The following SFXN5 variants were observed in gnomAD, a reference collection of about 807,000 sequenced individuals.
SFXN5 encodes the protein sideroflexin 5.
In SFXN5, 43 loss-of-function variants were observed where a neutral mutation model predicts 50.2. That is an observed-to-expected ratio of 0.86 (90% CI 0.67 to 1.11). The LOEUF (loss-of-function observed/expected upper bound fraction) is 1.11. Among genes scored for constraint, SFXN5 ranks in the 50% least tolerant of loss-of-function variants. The pLI is 0.00. For synonymous variants in SFXN5, 203 were observed against 185.8 expected, an observed-to-expected ratio of 1.09 and a Z score of -0.75; for missense variants, 463 against 454.1, an observed-to-expected ratio of 1.02 and a Z score of -0.18.
intron 9 of SFXN5, among the ~76,000 whole-genome samples, chr2:72,988,965 AC>A (rs1322334135): frequency 6.6e-6 from 1 of 151,736 alleles, no homozygotes; most frequent in East Asian, 1.9e-4. Flanking sequence ...CAGACACCCC[AC>A]CCCAGCCCCT....
At chr2:72,986,246 T>C (rs762924854) in intron 10 of SFXN5, among the ~76,000 whole-genome samples, 1 of 152,244 alleles carries the variant, frequency 6.6e-6, no homozygotes, top group Non-Finnish European at 1.5e-5. Context: ...TGGCTGGTTC[T>C]CGGAATTCAT....
Position 73,058,614 on chromosome 2 carries a change from A to C in SFXN5, c.103-18T>G. 6.2e-7 allele frequency: 1 copy of C among 1,612,330 alleles called. No individual in the cohort carries two copies. Among genetic ancestry groups the C allele is most frequent in the Non-Finnish European group, 8.5e-7 (1 of 1,178,416 alleles). On this transcript the variant is annotated intron_variant, in intron 1 of 13. Coordinates refer to ENST00000272433, the MANE Select transcript of SFXN5 (RefSeq NM_144579.3). ...AAGGACGTCTGAAGAAGAGGATGAG[A>C]GAGAAGAGTGAATGGATCAGCTGCT...
In SFXN5 at chr2:73,020,184, T is replaced by G. The variant is rs1360038428; in HGVS notation, c.357+55A>C. The G allele has an allele frequency of 3.3e-6, 5 of 1,530,676 alleles. No individual in the cohort carries two copies. In the African/African-American group the frequency reaches 6.9e-5, roughly 21 times the overall value. The allele number at this position is 1,530,676 out of a possible 1,614,324, so 94.8% of individuals were successfully genotyped here. On this transcript the variant is annotated intron_variant, in intron 6 of 13. Coordinates refer to ENST00000272433, the MANE Select transcript of SFXN5 (RefSeq NM_144579.3). Reference sequence around the variant, plus strand: ...AATACCCGTGAGCAATAACATAAAGTTAGACATTTAAAATAATTTTTTAGA... The same window carrying G: ...AATACCCGTGAGCAATAACATAAAGGTAGACATTTAAAATAATTTTTTAGA...
chr2:72,989,116 T>C (rs1672265422), intron 9 of SFXN5, among the ~76,000 whole-genome samples: 1 of 152,202 alleles, frequency 6.6e-6, no homozygotes. Flanking sequence ...CACAGCAGCC[T>C]TGGCCTCCAT....
chr2:73,003,379 A>G (rs777451579), intron 6 of SFXN5, among the ~76,000 whole-genome samples: 1 of 152,234 alleles, frequency 6.6e-6, no homozygotes, highest in Non-Finnish European at 1.5e-5. Flanking sequence ...ATCGTAAGAT[A>G]CAGCCCAATA....
At chr2:73,047,297 TAA>T (rs1243579050) in intron 2 of SFXN5, among the ~76,000 whole-genome samples, 1 of 64,694 alleles carries the variant, frequency 1.5e-5, no homozygotes, top group Non-Finnish European at 2.6e-5. Context: ...TATATATATA[TAA>T]AATATATATG....
intron 3 of SFXN5, among the ~76,000 whole-genome samples, chr2:73,031,195 A>C (rs1678254344): frequency 6.6e-6 from 1 of 152,240 alleles, no homozygotes; most frequent in East Asian, 1.9e-4. Context: ...CCTCCTCTGC[A>C]ATGAGGCTTG....
At chr2:72,996,974 A>T (rs1673328690) in intron 9 of SFXN5, 1 of 152,236 alleles carries the variant, frequency 6.6e-6, no homozygotes, top group Non-Finnish European at 1.5e-5. Context: ...TCTCCCACTC[A>T]GGGGAGCCTT....
At chr2:72,964,092 C>T (rs1236640361) in intron 12 of SFXN5, among the ~76,000 whole-genome samples, 2 of 152,228 alleles carry the variant, frequency 1.3e-5, no homozygotes, top group African/African-American at 2.4e-5. Context: ...GCCCAGGGAC[C>T]TTGGCTCTGA....
At chr2:73,000,312 G>C in intron 8 of SFXN5, 119 bp downstream of exon 8, 2 of 935,836 alleles carry the variant, frequency 2.1e-6, no homozygotes, top group Non-Finnish European at 3.2e-6. Flanking sequence ...AAGATATCTA[G>C]AGGAGGGCCA....
intron 1 of SFXN5, among the ~76,000 whole-genome samples, chr2:73,068,685 G>C (rs1168591646): frequency 6.6e-6 from 1 of 151,998 alleles, no homozygotes; most frequent in Non-Finnish European, 1.5e-5. Context: ...GCTGAGCCTT[G>C]GAGAGTCAAC....
chr2:73,046,214 C>T (rs1430265198), intron 2 of SFXN5, among the ~76,000 whole-genome samples: 1 of 151,912 alleles, frequency 6.6e-6, no homozygotes, highest in Admixed American at 6.6e-5. Flanking sequence ...TTCGAGACCA[C>T]CCTGGCCAAC....
chr2:73,013,898 C>T (rs921004820), intron 6 of SFXN5, among the ~76,000 whole-genome samples: 5 of 151,966 alleles, frequency 3.3e-5, no homozygotes, highest in African/African-American at 7.2e-5. Context: ...ATCACGAAGC[C>T]GGTGCTTATT....
At chr2:72,984,471 G>T (rs1171141678) in intron 10 of SFXN5, among the ~76,000 whole-genome samples, 2 of 152,278 alleles carry the variant, frequency 1.3e-5, no homozygotes, top group Admixed American at 1.3e-4. Flanking sequence ...TATGGGTGAG[G>T]GGTTATCTCA....
chr2:73,071,353 A>C, intron 1 of SFXN5: 6 of 457,284 alleles, frequency 1.3e-5, no homozygotes, highest in East Asian at 4.1e-5. Flanking sequence ...GCGGGCGGGA[A>C]AGGCTAGAGG....
chr2:73,011,009 A>T (rs1675435576), intron 6 of SFXN5, among the ~76,000 whole-genome samples: 2 of 152,262 alleles, frequency 1.3e-5, no homozygotes, highest in Non-Finnish European at 2.9e-5. Context: ...AAAGGATATT[A>T]TAAAAACAAA....
rs559359784 is a variant in SFXN5, at chr2:72,961,443, G to T, written c.828-195C>A. Among the ~76,000 whole-genome samples the T allele has an allele frequency of 6.6e-5, 10 of 152,316 alleles. No homozygotes were observed. The East Asian group carries it at 1.7e-3, about 27-fold the overall frequency. On this transcript the variant is annotated intron_variant, in intron 12 of 13. Coordinates refer to ENST00000272433, the MANE Select transcript of SFXN5 (RefSeq NM_144579.3). The surrounding 1 kb of genome is among the most constrained non-coding windows in gnomAD (Gnocchi z 4.4). ...CCGATAGGTACCCCTATCCCAGCGG[G>T]TATAGACCCCTATCCCAATGTCTTG... is the stretch of plus-strand genomic sequence containing the variant.
intron 1 of SFXN5, chr2:73,059,049 G>C (rs1036113366): frequency 1.7e-4 from 168 of 997,168 alleles, no homozygotes; most frequent in Non-Finnish European, 2.0e-4. Flanking sequence ...CTGCCTCCAG[G>C]GGGGATCCCC....
In SFXN5 at chr2:72,943,863, A is replaced by C. The variant is rs868583643; in HGVS notation, c.*1159T>G. On this transcript the variant is annotated 3_prime_UTR_variant, in exon 14 of 14. Transcript: ENST00000272433. ...GGTCTTGCTGGAGGAGCCAGTGGGA[A>C]CCCCTTGATCCAGTCTTCTGGTTTC... 1 of 152,274 alleles carries C rather than the reference A, an allele frequency of 6.6e-6. No individual in the cohort carries two copies. The highest frequency in any genetic ancestry group is 1.5e-5 in the Non-Finnish European group (1 of 68,054). The allele number at this position is 152,274 out of a possible 1,614,324, so 9.4% of individuals were successfully genotyped here. A position where few individuals can be genotyped will look rare whatever the true frequency, so the allele number is the denominator to read the frequency against.
Sources: allele counts gnomAD v4.1 joint callset (sites outside exome capture counted in the v4.1 genomes callset), GRCh38; gene constraint gnomAD v4.1.1; non-coding constraint Gnocchi (gnomAD v3.1); transcripts MANE v1.5; gene names NCBI Gene and HGNC (gene_info 2026-07-23, HGNC 2026-07-21).